Variants in SLC7A4 observed in about 807,000 individuals in gnomAD.
SLC7A4 encodes cationic amino acid transporter 4.
Under a neutral mutation model 37.8 loss-of-function variants are expected in SLC7A4, and 30 were observed. The ratio of observed to expected loss-of-function variants is 0.79; its 90% CI spans 0.59 to 1.08. The LOEUF is 1.08. Among genes scored for constraint, SLC7A4 ranks in the 50% least tolerant of loss-of-function variants. The probability of loss-of-function intolerance (pLI) is 0.00; values close to 1 mark genes in which losing one functional copy is unlikely to be tolerated. For missense variants in SLC7A4, 839 were observed against 843.2 expected (o/e 1.00, Z 0.06); for synonymous variants, 359 against 376.5 (o/e 0.95, Z 0.54).
At position 21,031,809 on chromosome 22, in the gene SLC7A4, C is replaced by T. The variant is rs377478398; in HGVS notation, c.4G>A (p.Ala2Thr). The stretch of plus-strand genomic sequence containing the variant: ...CTAGCAATGGTGGGCAGCCCCCGGG[C>T]CATGGCAGGTGGCCGAGAAGAGCAC... M[A>T]RGLPTIASLA... Residue 2 changes from alanine (A) to threonine (T), a missense_variant, in exon 2 of 5, where the codon GCC becomes ACC. Ala to Thr is a moderately conservative substitution (Grantham distance 58, BLOSUM62 0). Transcript: ENST00000382932. 6.7e-7 allele frequency: 1 copy of T among 1,492,298 alleles called. No individual in the cohort carries two copies. The highest frequency in any genetic ancestry group is 8.9e-7 in the Non-Finnish European group (1 of 1,125,860). The allele number at this position is 1,492,298 out of a possible 1,614,324, so 92.4% of individuals were successfully genotyped here.
chr22:21,032,123 G>A (rs1410912075), intron 1 of SLC7A4, among the ~76,000 whole-genome samples: 3 of 152,134 alleles, frequency 2.0e-5, no homozygotes, highest in Non-Finnish European at 4.4e-5. Flanking sequence ...GGCCCTGAGG[G>A]GTGGGGAGGG....
In SLC7A4 at chr22:21,029,903, C is replaced by G; in HGVS notation, c.1431G>C (p.Val477=). The change falls in exon 3 of 5, where the codon GTG becomes GTC. Residue 477 remains valine, a synonymous_variant. Transcript: ENST00000382932. ...GFLDGYSPGA[V]VTWALGVMLA... ...ACATAACGCCAAGCGCCCAAGTCAC[C>G]ACTGCTCCAGGGCTGTACCCATCCA... 6.2e-7 allele frequency: 1 copy of G among 1,613,846 alleles called. No homozygotes were observed. The highest frequency in any genetic ancestry group is 8.5e-7 in the Non-Finnish European group (1 of 1,179,982).
rs781774672 is a variant in SLC7A4 at position 21,031,713 on chromosome 22, G to T, written c.100C>A (p.Arg34=). 6.2e-7 allele frequency: 1 copy of T among 1,612,490 alleles called. No individual in the cohort carries two copies. The highest frequency in any genetic ancestry group is 8.5e-7 in the Non-Finnish European group (1 of 1,179,400). The change falls in exon 2 of 5, where the codon CGG becomes AGG. Residue 34 remains arginine (R), a synonymous_variant. Transcript: ENST00000382932. ...LEDSTMETSL[R]RCLSTLDLTL... The stretch of plus-strand genomic sequence containing the variant: ...AGGTCCAGCGTGGACAGGCAGCGCC[G>T]CAGTGACGTCTCCATGGTGGAGTCC...
chr22:21,032,318 C>T (rs1370492694), intron 1 of SLC7A4, among the ~76,000 whole-genome samples: 1 of 152,174 alleles, frequency 6.6e-6, no homozygotes, highest in African/African-American at 2.4e-5. Context: ...GCTACATACA[C>T]CCCCGCCCCT....
In SLC7A4 at chr22:21,029,039, A is replaced by G; in HGVS notation, c.*16T>C. 6.3e-7 allele frequency: 1 copy of G among 1,591,830 alleles called. No homozygotes were observed. Among genetic ancestry groups the G allele is most frequent in the Non-Finnish European group, 8.5e-7 (1 of 1,170,736 alleles). On this transcript the variant is annotated 3_prime_UTR_variant, in exon 5 of 5. Transcript: ENST00000382932. The stretch of plus-strand genomic sequence containing the variant: ...CAAGCAGGTGTGGGAGGGCGGGGCA[A>G]GTGTGGGCTGATCAGCTACTCCATA...
At position 21,031,837 on chromosome 22, in the gene SLC7A4, A is replaced by C; in HGVS notation, c.-25T>G. 2 of 1,472,836 alleles carry C rather than the reference A, an allele frequency of 1.4e-6. No individual in the cohort carries two copies. Among genetic ancestry groups the C allele is most frequent in the Non-Finnish European group, 1.8e-6 (2 of 1,118,732 alleles). 91.2% of individuals were successfully genotyped at this position (1,472,836 alleles called of 1,614,324 possible). On this transcript the variant is annotated 5_prime_UTR_variant, in exon 2 of 5. Coordinates refer to ENST00000382932, the MANE Select transcript of SLC7A4 (RefSeq NM_004173.3). ...TGGCAGGTGGCCGAGAAGAGCACCGAGCCAGCTACTGGAACCTGCTAGGGC... is the reference window on the plus strand; with the variant it reads ...TGGCAGGTGGCCGAGAAGAGCACCGCGCCAGCTACTGGAACCTGCTAGGGC...
At position 21,030,367 on chromosome 22, in the gene SLC7A4, TG is replaced by T. The variant is rs772436967; in HGVS notation, c.983-17del. 2 of 1,582,722 alleles carry T rather than the reference TG, an allele frequency of 1.3e-6. No individual in the cohort carries two copies. The highest frequency in any genetic ancestry group is 1.7e-6 in the Non-Finnish European group (2 of 1,161,904). ...GTGTTCATGGCTGTAGCAGAGAGAG[TG>T]GGGAGGGTCAGCATGGCGGAGAAGC... is the stretch of plus-strand genomic sequence containing the variant. On this transcript the variant is annotated splice_polypyrimidine_tract_variant and intron_variant, in intron 2 of 4. Coordinates refer to ENST00000382932, the MANE Select transcript of SLC7A4 (RefSeq NM_004173.3).
Position 21,031,470 on chromosome 22 carries a change from C to A in SLC7A4, c.343G>T (p.Ala115Ser), listed in dbSNP as rs1345618531. Residue 115 changes from alanine (A) to serine (S), a missense_variant, in exon 2 of 5, where the codon GCC (alanine) becomes TCC (serine). Ala to Ser is a moderately conservative substitution (Grantham distance 99). Coordinates refer to ENST00000382932, the MANE Select transcript of SLC7A4 (RefSeq NM_004173.3). ...FTYVSMGELWAFLIGWNVLLE... is the reference protein window; with the variant it reads ...FTYVSMGELWSFLIGWNVLLE... Reference sequence around the variant, plus strand: ...AGAACATTCCAGCCGATGAGGAAGGCCCACAGCTCGCCCATGGATACGTAG... The same window carrying A: ...AGAACATTCCAGCCGATGAGGAAGGACCACAGCTCGCCCATGGATACGTAG... 6.2e-7 allele frequency: 1 copy of A among 1,604,886 alleles called. No individual in the cohort carries two copies. Among genetic ancestry groups the A allele is most frequent in the East Asian group, 2.2e-5 (1 of 44,828 alleles).
Position 21,030,290 on chromosome 22 carries a change from G to T in SLC7A4, c.1044C>A (p.Ala348=). 6.2e-7 allele frequency: 1 copy of T among 1,613,632 alleles called. No individual in the cohort carries two copies. The highest frequency in any genetic ancestry group is 8.5e-7 in the Non-Finnish European group (1 of 1,179,944). ...FSLPRIVYAM[A]ADGLFFQVFA... is the part of the protein sequence containing the mutation. ...ACACCTGGAAGAAGAGCCCATCGGC[G>T]GCCATGGCATAGACAATGCGTGGCA... is the stretch of plus-strand genomic sequence containing the variant. The change falls in exon 3 of 5, where the codon GCC becomes GCA. Residue 348 remains alanine, a synonymous_variant. Coordinates refer to ENST00000382932, the MANE Select transcript of SLC7A4 (RefSeq NM_004173.3).
chr22:21,030,453 A>G, intron 2 of SLC7A4, 102 bp from the exon 3 acceptor site: 1 of 1,192,184 alleles, frequency 8.4e-7, no homozygotes, highest in Non-Finnish European at 1.2e-6. Context: ...CAAGGGCATG[A>G]GCTTGTCTGG....
At position 21,029,773 on chromosome 22, in the gene SLC7A4, A is replaced by G; in HGVS notation, c.1561T>C (p.Phe521Leu). The stretch of plus-strand genomic sequence containing the variant: ...CCCAGGACAAGGAGGCTGAGCAGAA[A>G]CATGACACTGGTGAGCAGGAGCAGC... The part of the protein sequence containing the change: ...ILLLLLTSVM[F>L]LLSLLVLGAH... Residue 521 changes from phenylalanine (F) to leucine (L), a missense_variant, in exon 3 of 5, where the codon TTT (phenylalanine) becomes CTT (leucine). Transcript: ENST00000382932. The G allele has an allele frequency of 6.2e-7, 1 of 1,613,316 alleles. No individual in the cohort carries two copies. The highest frequency in any genetic ancestry group is 8.5e-7 in the Non-Finnish European group (1 of 1,179,996).
At position 21,029,322 on chromosome 22, in the gene SLC7A4, TG is replaced by T; in HGVS notation, c.1732+13del. ...CCTCCTCCTGACCCCGGTCCCAGCC[TG>T]GCCCCCACTCACCCATCAGCAGCCA... On this transcript the variant is annotated intron_variant, in intron 4 of 4. Transcript: ENST00000382932. 1 of 1,612,658 alleles carries T rather than the reference TG, an allele frequency of 6.2e-7. No homozygotes were observed. The highest frequency in any genetic ancestry group is 8.5e-7 in the Non-Finnish European group (1 of 1,179,034).
rs768422736 is a variant in SLC7A4 at position 21,030,879 on chromosome 22, G to A, written c.934C>T (p.Arg312Trp). 6 of 1,611,354 alleles carry A rather than the reference G, an allele frequency of 3.7e-6. No individual in the cohort carries two copies. Among genetic ancestry groups the A allele is most frequent in the East Asian group, 4.5e-5 (2 of 44,822 alleles). The change falls in exon 2 of 5, where the codon CGG becomes TGG. Residue 312 changes from arginine to tryptophan, a missense_variant. By Grantham distance (101) the Arg-to-Trp change is moderately radical. Coordinates refer to ENST00000382932, the MANE Select transcript of SLC7A4 (RefSeq NM_004173.3). The part of the protein sequence containing the change: ...DSALADAFYQ[R>W]GYRWAGFIVA... Reference sequence around the variant, plus strand: ...ATGAAGCCAGCCCACCTGTAGCCCCGCTGGTAGAAGGCATCTGCAAGCGCT... The same window carrying A: ...ATGAAGCCAGCCCACCTGTAGCCCCACTGGTAGAAGGCATCTGCAAGCGCT...
At position 21,029,319 on chromosome 22, in the gene SLC7A4, G is replaced by A; in HGVS notation, c.1732+17C>T. 1 of 1,611,948 alleles carries A rather than the reference G, an allele frequency of 6.2e-7. No individual in the cohort carries two copies. Among genetic ancestry groups the A allele is most frequent in the East Asian group, 2.2e-5 (1 of 44,876 alleles). Reference sequence around the variant, plus strand: ...TGCCCTCCTCCTGACCCCGGTCCCAGCCTGGCCCCCACTCACCCATCAGCA... The same window carrying A: ...TGCCCTCCTCCTGACCCCGGTCCCAACCTGGCCCCCACTCACCCATCAGCA... On this transcript the variant is annotated intron_variant, in intron 4 of 4. Transcript: ENST00000382932.
rs566157431 is a variant in SLC7A4, at chr22:21,029,111, G to A, written c.1852C>T (p.Gln618Ter). Residue 618 changes from glutamine to a stop codon, truncating the protein, a stop_gained, in exon 5 of 5, where the codon CAG becomes TAG. Coordinates refer to ENST00000382932, the MANE Select transcript of SLC7A4 (RefSeq NM_004173.3). LOFTEE classifies it high-confidence loss of function. ...GCCTGGCTGGGGGGCTGCATAGCCT[G>A]CACTGTCTCCTCCAGGCTGCCCCTG... ...FPRGSLEETV[Q>*]AMQPPSQAPA... The A allele has an allele frequency of 2.5e-6, 4 of 1,613,220 alleles. No individual in the cohort carries two copies. In the African/African-American group the frequency reaches 4.0e-5, roughly 16 times the overall value.
chr22:21,031,749 T>G lies in SLC7A4; in HGVS notation c.64A>C (p.Lys22Gln). ...TCCATGGTGGAGTCCTCCAGCGGCT[T>G]CAGGCGGTTCAGCTTCTGGCATAAG... ...ARLCQKLNRLKPLEDSTMETS... is the reference protein window; with the variant it reads ...ARLCQKLNRLQPLEDSTMETS... Residue 22 changes from lysine (K) to glutamine (Q), a missense_variant, in exon 2 of 5, where the codon AAG becomes CAG. Coordinates refer to ENST00000382932, the MANE Select transcript of SLC7A4 (RefSeq NM_004173.3). 6.3e-7 allele frequency: 1 copy of G among 1,582,982 alleles called. No individual in the cohort carries two copies. Among genetic ancestry groups the G allele is most frequent in the South Asian group, 1.1e-5 (1 of 87,282 alleles).
intron 1 of SLC7A4, among the ~76,000 whole-genome samples, 168 bp downstream of exon 1, chr22:21,032,363 G>A (rs375049524): frequency 3.9e-5 from 6 of 152,270 alleles, no homozygotes; most frequent in African/African-American, 1.4e-4. Flanking sequence ...CCGCGCGCCA[G>A]GCGGAATGCA....
intron 3 of SLC7A4, 89 bp from the exon 4 acceptor site, chr22:21,029,533 C>A: frequency 8.0e-7 from 1 of 1,244,612 alleles, no homozygotes; most frequent in Non-Finnish European, 1.2e-6. Context: ...TCCATAGAGC[C>A]TTTGTTCCTC....
chr22:21,031,675 G>A lies in SLC7A4; in HGVS notation c.138C>T (p.Gly46=), dbSNP rs187211555. 3.6e-5 allele frequency: 58 copies of A among 1,613,492 alleles called. No individual in the cohort carries two copies. Among genetic ancestry groups the A allele is most frequent in the Non-Finnish European group, 4.3e-5 (51 of 1,179,788 alleles). The change falls in exon 2 of 5, where the codon GGC becomes GGT. Residue 46 remains glycine, a synonymous_variant. Coordinates refer to ENST00000382932, the MANE Select transcript of SLC7A4 (RefSeq NM_004173.3). ...GACCCGAGCCCACCATGCCACCCAC[G>A]CCCAGAAGAGTCAGGTCCAGCGTGG... ...CLSTLDLTLL[G]VGGMVGSGLY...
Sources: allele counts gnomAD v4.1 joint callset (sites outside exome capture counted in the v4.1 genomes callset), GRCh38; gene constraint gnomAD v4.1.1; transcripts MANE v1.5; gene names NCBI Gene and HGNC (gene_info 2026-07-23, HGNC 2026-07-21).